SLC36A1: variants seen among roughly 807,000 people sequenced by gnomAD.
SLC36A1 encodes proton-coupled amino acid transporter 1.
A neutral mutation model predicts 47.5 loss-of-function variants in SLC36A1; 30 were observed. That is an observed-to-expected ratio of 0.63 (90% CI 0.47 to 0.86). The LOEUF (loss-of-function observed/expected upper bound fraction) is 0.86. Ranked by LOEUF, SLC36A1 falls within the 40% of genes least tolerant of loss-of-function variation. SLC36A1 has a pLI of 0.00. For synonymous variants in SLC36A1, 255 were observed against 249.7 expected (o/e 1.02, Z -0.20); for missense variants, 517 against 606.0 (o/e 0.85, Z 1.54).
chr5:151,346,087 C>A, the SLC36A1 span, among the ~76,000 whole-genome samples: 1 of 152,230 alleles, frequency 6.6e-6, no homozygotes, highest in African/African-American at 2.4e-5. Context: ...CTCCCTTTAG[C>A]TCTCACTTGC....
chr5:151,397,016 G>A, the SLC36A1 span, among the ~76,000 whole-genome samples: 1 of 152,192 alleles, frequency 6.6e-6, no homozygotes, highest in Non-Finnish European at 1.5e-5. Flanking sequence ...TGTTAGTGAT[G>A]TGAATTGTGT....
the SLC36A1 span, among the ~76,000 whole-genome samples, chr5:151,498,833 C>T: frequency 2.6e-5 from 4 of 152,134 alleles, no homozygotes; most frequent in African/African-American, 7.2e-5. Flanking sequence ...CCCTGTGGAC[C>T]CATCCTGGCC....
chr5:151,530,105 A>G, the SLC36A1 span, among the ~76,000 whole-genome samples: 1 of 152,190 alleles, frequency 6.6e-6, no homozygotes, highest in Non-Finnish European at 1.5e-5. Flanking sequence ...CTATCTAGGA[A>G]ATGATTAGCA....
At chr5:151,533,547 C>A in the SLC36A1 span, among the ~76,000 whole-genome samples, 1 of 152,228 alleles carries the variant, frequency 6.6e-6, no homozygotes, top group East Asian at 1.9e-4. Flanking sequence ...AACTCACTTT[C>A]TCTAGGAAAT....
intron 1 of SLC36A1, among the ~76,000 whole-genome samples, chr5:151,451,667 A>C (rs1753682330): frequency 6.6e-6 from 1 of 152,160 alleles, no homozygotes; most frequent in African/African-American, 2.4e-5. Flanking sequence ...TCCTATCTTC[A>C]TAACAATATT....
At chr5:151,453,910 A>G (rs1754043699) in intron 1 of SLC36A1, among the ~76,000 whole-genome samples, 1 of 151,950 alleles carries the variant, frequency 6.6e-6, no homozygotes, top group African/African-American at 2.4e-5. Context: ...CAGTTTGCAC[A>G]TACATTTTCC....
chr5:151,516,561 C>T, the SLC36A1 span, among the ~76,000 whole-genome samples: 1 of 152,102 alleles, frequency 6.6e-6, no homozygotes, highest in East Asian at 1.9e-4. Flanking sequence ...CCCCTGATGC[C>T]CCTCCATTTT....
At chr5:151,503,576 G>A in the SLC36A1 span, among the ~76,000 whole-genome samples, 1 of 151,794 alleles carries the variant, frequency 6.6e-6, no homozygotes, top group Non-Finnish European at 1.5e-5. Flanking sequence ...TTCCTGTCTC[G>A]GTGTCATCAT....
chr5:151,538,721 A>C, the SLC36A1 span, among the ~76,000 whole-genome samples: 1 of 152,106 alleles, frequency 6.6e-6, no homozygotes, highest in Non-Finnish European at 1.5e-5. Flanking sequence ...TCTGTTGCCC[A>C]GGCTTGAGTG....
intron 10 of SLC36A1, among the ~76,000 whole-genome samples, chr5:151,487,062 G>A (rs1759662497): frequency 6.6e-6 from 1 of 152,162 alleles, no homozygotes; most frequent in South Asian, 2.1e-4. Context: ...CTTCCCCAAT[G>A]TCACTCAGCT....
chr5:151,423,853 T>TGG, the SLC36A1 span, among the ~76,000 whole-genome samples: 1 of 152,188 alleles, frequency 6.6e-6, no homozygotes, highest in Non-Finnish European at 1.5e-5. Context: ...TGGTAGTGGA[T>TGG]GTTGATAATG....
chr5:151,482,061 G>A (rs563329058), intron 10 of SLC36A1, among the ~76,000 whole-genome samples: 1 of 152,312 alleles, frequency 6.6e-6, no homozygotes, highest in South Asian at 2.1e-4. Flanking sequence ...TATTTCTGAA[G>A]ATATAATTAC....
the SLC36A1 span, among the ~76,000 whole-genome samples, chr5:151,519,368 A>G: frequency 6.6e-6 from 1 of 152,146 alleles, no homozygotes; most frequent in Non-Finnish European, 1.5e-5. Flanking sequence ...AAATCCAAAC[A>G]AGTCCAAAAT....
the SLC36A1 span, chr5:151,382,090 T>G: frequency 4.9e-5 from 39 of 789,772 alleles, no homozygotes; most frequent in African/African-American, 5.7e-4. Flanking sequence ...AAAGAGAGCC[T>G]ACTGACAGTC....
At chr5:151,443,054 T>C (rs1018158586), upstream of SLC36A1, among the ~76,000 whole-genome samples, 3 of 152,194 alleles carry the variant, frequency 2.0e-5, no homozygotes, top group African/African-American at 7.2e-5. Context: ...GACACTTGGA[T>C]TGTTTCTATA....
At chr5:151,524,567 G>A in the SLC36A1 span, among the ~76,000 whole-genome samples, 38 of 152,306 alleles carry the variant, frequency 2.5e-4, no homozygotes, top group East Asian at 7.1e-3. Flanking sequence ...TGTCCTTTAA[G>A]CCACCCAGCC....
upstream of SLC36A1, among the ~76,000 whole-genome samples, chr5:151,435,247 C>G (rs78507942): frequency 1.2e-4 from 19 of 152,308 alleles, no homozygotes; most frequent in East Asian, 3.5e-3. Context: ...TGCAGTCAGT[C>G]TGTCAGCTGT....
At chr5:151,412,990 T>C in the SLC36A1 span, among the ~76,000 whole-genome samples, 1 of 144,532 alleles carries the variant, frequency 6.9e-6, no homozygotes, top group Non-Finnish European at 1.5e-5. Context: ...ATTGCCTCAA[T>C]AGGGCTTATC....
intron 7 of SLC36A1, among the ~76,000 whole-genome samples, chr5:151,471,762 G>C (rs1757343168): frequency 6.6e-6 from 1 of 152,168 alleles, no homozygotes; most frequent in Non-Finnish European, 1.5e-5. Context: ...TCAAAGTGAA[G>C]GCTGTTATAG....
Sources: allele counts gnomAD v4.1 joint callset (sites outside exome capture counted in the v4.1 genomes callset), GRCh38; gene constraint gnomAD v4.1.1; transcripts MANE v1.5; gene names NCBI Gene and HGNC (gene_info 2026-07-23, HGNC 2026-07-21).